The following LRP1B variants were observed in gnomAD, a reference collection of about 807,000 sequenced individuals.
The protein encoded by LRP1B is LDL receptor related protein 1B, also known as low-density lipoprotein receptor-related protein 1B.
In LRP1B, 217 loss-of-function variants were observed where a neutral mutation model predicts 556.6. The observed-to-expected ratio is 0.39, with a 90% CI of 0.35 to 0.44. The LOEUF is 0.44. Ranked by LOEUF, LRP1B falls within the 20% of genes least tolerant of loss-of-function variation. The pLI is 1.00. For synonymous variants in LRP1B, 2,047 were observed against 1,865.8 expected, an observed-to-expected ratio of 1.10 and a Z score of -2.50; for missense variants, 5,053 against 5,620.8, an observed-to-expected ratio of 0.90 and a Z score of 3.23.
chr2:141,267,655 G>A (rs1041872796), intron 3 of LRP1B, among the ~76,000 whole-genome samples: 2 of 151,070 alleles, frequency 1.3e-5, no homozygotes, highest in Non-Finnish European at 3.0e-5. Context: ...CTATGCGTGA[G>A]GAAAAAATGC....
At chr2:141,693,479 CAT>C (rs1282657458) in intron 2 of LRP1B, among the ~76,000 whole-genome samples, 2 of 151,870 alleles carry the variant, frequency 1.3e-5, no homozygotes, top group African/African-American at 2.4e-5. Flanking sequence ...ATTATTAAAA[CAT>C]AAATATATAA....
intron 3 of LRP1B, among the ~76,000 whole-genome samples, chr2:141,351,203 A>G (rs1180554261): frequency 1.3e-5 from 2 of 152,048 alleles, no homozygotes; most frequent in Non-Finnish European, 2.9e-5. Context: ...TCAAGAATCA[A>G]CATTTTTCCA....
intron 31 of LRP1B, among the ~76,000 whole-genome samples, chr2:140,814,934 G>A (rs981800846): frequency 7.2e-5 from 11 of 152,064 alleles, no homozygotes; most frequent in African/African-American, 2.7e-4. Context: ...AAGGTCCTTG[G>A]CACACATCTA....
intron 1 of LRP1B, among the ~76,000 whole-genome samples, chr2:141,822,903 A>C (rs541906983): frequency 6.6e-6 from 1 of 152,304 alleles, no homozygotes; most frequent in South Asian, 2.1e-4. Context: ...GGTAGGTGCT[A>C]ATATAGGTGC....
intron 66 of LRP1B, among the ~76,000 whole-genome samples, chr2:140,422,326 T>A (rs1685481328): frequency 6.6e-6 from 1 of 152,202 alleles, no homozygotes; most frequent in Non-Finnish European, 1.5e-5. Flanking sequence ...TGGCTATGGG[T>A]CAACAGTGTG....
chr2:141,665,781 A>G (rs943145554), intron 2 of LRP1B, among the ~76,000 whole-genome samples: 2 of 152,218 alleles, frequency 1.3e-5, no homozygotes, highest in African/African-American at 4.8e-5. Context: ...TTTCAGGGAC[A>G]TAAATGGAGC....
chr2:141,270,930 T>C (rs1444489216), intron 3 of LRP1B, among the ~76,000 whole-genome samples: 1 of 151,972 alleles, frequency 6.6e-6, no homozygotes, highest in Non-Finnish European at 1.5e-5. Context: ...TTGGCTATAA[T>C]GGCAAGTTTT....
intron 31 of LRP1B, among the ~76,000 whole-genome samples, chr2:140,823,478 A>T (rs552365851): frequency 1.3e-3 from 192 of 152,270 alleles, no homozygotes; most frequent in African/African-American, 4.4e-3. Flanking sequence ...TGGTGTAATG[A>T]TCATGTATGC....
intron 3 of LRP1B, among the ~76,000 whole-genome samples, chr2:141,279,951 C>G (rs569307891): frequency 6.6e-6 from 1 of 152,166 alleles, no homozygotes; most frequent in South Asian, 2.1e-4. Context: ...TTTGTGGATG[C>G]AAACTTATAG....
chr2:140,944,511 T>A (rs1247099639), intron 20 of LRP1B, among the ~76,000 whole-genome samples: 1 of 152,120 alleles, frequency 6.6e-6, no homozygotes, highest in Non-Finnish European at 1.5e-5. Flanking sequence ...ACAAAAGTCC[T>A]CAACAAATTA....
chr2:141,929,580 C>T (rs1448554267), intron 1 of LRP1B, among the ~76,000 whole-genome samples: 1 of 152,046 alleles, frequency 6.6e-6, no homozygotes. Flanking sequence ...AAAATGATTG[C>T]TTCGTTCATC....
chr2:140,283,202 CAGG>C (rs1334612164), intron 84 of LRP1B, among the ~76,000 whole-genome samples: 6 of 151,516 alleles, frequency 4.0e-5, no homozygotes, highest in Non-Finnish European at 7.4e-5. Context: ...AGAATTAAAT[CAGG>C]AGATAGAATT....
intron 25 of LRP1B, among the ~76,000 whole-genome samples, chr2:140,882,797 T>C (rs1156965098): frequency 6.6e-6 from 1 of 152,208 alleles, no homozygotes; most frequent in Non-Finnish European, 1.5e-5. Context: ...TCTTATCTCG[T>C]TGAACTCCCT....
At chr2:141,388,840 T>C (rs1353452376) in intron 3 of LRP1B, among the ~76,000 whole-genome samples, 3 of 152,102 alleles carry the variant, frequency 2.0e-5, no homozygotes, top group Non-Finnish European at 4.4e-5. Context: ...ACACAAAAAT[T>C]GATTATGTTC....
chr2:141,719,470 C>G (rs1692737530), intron 2 of LRP1B, among the ~76,000 whole-genome samples: 1 of 152,042 alleles, frequency 6.6e-6, no homozygotes, highest in Non-Finnish European at 1.5e-5. Context: ...CATTTTGCTT[C>G]TATAAGCTTC....
At chr2:140,643,439 A>T (rs1360334533) in intron 41 of LRP1B, among the ~76,000 whole-genome samples, 1 of 152,248 alleles carries the variant, frequency 6.6e-6, no homozygotes, top group South Asian at 2.1e-4. Flanking sequence ...AGAATAAACA[A>T]GCTGTTTAAA....
chr2:140,813,843 C>A (rs2105037303), intron 31 of LRP1B, 37 bp from the exon 32 acceptor site: 2 of 1,484,908 alleles, frequency 1.3e-6, no homozygotes, highest in Non-Finnish European at 1.9e-6. Context: ...ATAATGATAG[C>A]CACTTAAATT....
intron 29 of LRP1B, among the ~76,000 whole-genome samples, chr2:140,842,017 A>G (rs949994689): frequency 2.0e-5 from 3 of 152,202 alleles, no homozygotes; most frequent in Non-Finnish European, 4.4e-5. Flanking sequence ...TCTCAAACTT[A>G]CAAGACACCT....
chr2:141,168,310 T>A (rs1423877434), intron 7 of LRP1B, among the ~76,000 whole-genome samples: 2 of 152,098 alleles, frequency 1.3e-5, no homozygotes, highest in Non-Finnish European at 2.9e-5. Context: ...TAAACAGGAC[T>A]GTTCTCCATC....
Sources: allele counts gnomAD v4.1 joint callset (sites outside exome capture counted in the v4.1 genomes callset), GRCh38; gene constraint gnomAD v4.1.1; transcripts MANE v1.5; gene names NCBI Gene and HGNC (gene_info 2026-07-23, HGNC 2026-07-21).